Variants in CES5A observed in about 807,000 individuals in gnomAD.
CES5A encodes carboxylesterase 5A, also known as carboxylesterase 5.
A neutral mutation model predicts 62.9 loss-of-function variants in CES5A; 67 were observed. The observed-to-expected ratio is 1.07, with a 90% CI of 0.88 to 1.31. CES5A has a LOEUF of 1.31. Among genes scored for constraint, CES5A ranks in the 50% most tolerant of loss-of-function variants. The probability of loss-of-function intolerance (pLI) is 0.00; values close to 1 mark genes in which losing one functional copy is unlikely to be tolerated. For synonymous variants in CES5A, 296 were observed against 280.8 expected (o/e 1.05, Z -0.54); for missense variants, 748 against 708.5 (o/e 1.06, Z -0.63).
chr16:55,948,747 T>A (rs1341756180), intron 2 of CES5A, among the ~76,000 whole-genome samples: 1 of 152,152 alleles, frequency 6.6e-6, no homozygotes, highest in African/African-American at 2.4e-5. Context: ...GGCTGGGACC[T>A]AGGGGTTGGC....
chr16:55,918,984 T>A (rs2034174373), intron 1 of CES5A, among the ~76,000 whole-genome samples: 1 of 152,170 alleles, frequency 6.6e-6, no homozygotes, highest in Admixed American at 6.5e-5. Flanking sequence ...GAGCAGAGGA[T>A]CTATGGGTCT....
chr16:55,911,172 A>G lies in CES5A; in HGVS notation c.-256+14151T>C, dbSNP rs77665005. On this transcript the variant is annotated intron_variant, in intron 1 of 12. Transcript: ENST00000518005. Reference sequence around the variant, plus strand: ...CCCTTCCATCTTGTTGCTCTGCCCCAGCCCCCACATGTCCTCCTTCTCTGC... The same window carrying G: ...CCCTTCCATCTTGTTGCTCTGCCCCGGCCCCCACATGTCCTCCTTCTCTGC... Among the ~76,000 whole-genome samples, 4 of 152,270 alleles carry G rather than the reference A, an allele frequency of 2.6e-5. No homozygotes were observed. The East Asian group carries it at 7.7e-4, about 29-fold the overall frequency.
At chr16:55,945,476 C>A (rs2142482995) in intron 2 of CES5A, among the ~76,000 whole-genome samples, 1 of 152,334 alleles carries the variant, frequency 6.6e-6, no homozygotes, top group Middle Eastern at 3.4e-3. Context: ...CGGCCAGTCC[C>A]AGCAGCACAG....
chr16:55,884,711 C>T (rs1206935744), intron 1 of CES5A, among the ~76,000 whole-genome samples: 2 of 152,242 alleles, frequency 1.3e-5, no homozygotes, highest in Admixed American at 6.5e-5. Context: ...CCTTCCTCAG[C>T]CTCCCAAGTA....
intron 1 of CES5A, 144 bp from the exon 2 acceptor site, chr16:55,874,181 ATC>A: frequency 1.4e-6 from 1 of 702,022 alleles, no homozygotes; most frequent in Non-Finnish European, 2.3e-6. Flanking sequence ...CTCTCCATGA[ATC>A]CAGTTCCATG....
chr16:55,848,362 T>A (rs2033059077), intron 11 of CES5A, among the ~76,000 whole-genome samples: 1 of 152,076 alleles, frequency 6.6e-6, no homozygotes, highest in Non-Finnish European at 1.5e-5. Context: ...CAAGCAATCC[T>A]CCCGCCTCAG....
intron 1 of CES5A, among the ~76,000 whole-genome samples, chr16:55,904,692 T>G (rs1436815689): frequency 1.3e-5 from 2 of 152,228 alleles, no homozygotes; most frequent in Non-Finnish European, 1.5e-5. Context: ...TCAGAAAAAT[T>G]CAGTGATTTA....
chr16:55,857,506 G>A (rs1309763647), intron 8 of CES5A, among the ~76,000 whole-genome samples: 1 of 152,152 alleles, frequency 6.6e-6, no homozygotes, highest in East Asian at 1.9e-4. Context: ...TACTAGGGCA[G>A]TACCTGCCTC....
In CES5A at chr16:55,866,658, T is replaced by TAAAAAAAAA. The variant is rs369679801; in HGVS notation, c.552-551_552-543dup. The stretch of plus-strand genomic sequence containing the variant: ...TAATATAGTGAAACTCTGTCTCTGC[T>TAAAAAAAAA]AAAAAAAAAAAAAAAAAAAATACAA... On this transcript the variant is annotated intron_variant, in intron 4 of 12. Coordinates refer to ENST00000290567, the MANE Select transcript of CES5A (RefSeq NM_001143685.2). Among the ~76,000 whole-genome samples the TAAAAAAAAA allele has an allele frequency of 8.1e-4, 67 of 82,790 alleles. 2 individuals are homozygous for TAAAAAAAAA. The highest frequency in any genetic ancestry group is 1.2e-3 in the Non-Finnish European group (49 of 39,728). 54.3% of individuals were successfully genotyped at this position (82,790 alleles called of 152,430 possible). A position where few individuals can be genotyped will look rare whatever the true frequency, so the allele number is the denominator to read the frequency against.
At chr16:55,948,985 G>T (rs1328124355) in intron 2 of CES5A, among the ~76,000 whole-genome samples, 2 of 152,120 alleles carry the variant, frequency 1.3e-5, no homozygotes, top group Non-Finnish European at 2.9e-5. Flanking sequence ...GTAAGGGGCC[G>T]TTGCCTCCCC....
chr16:55,930,816 A>G (rs553857728), intron 2 of CES5A, among the ~76,000 whole-genome samples: 1 of 152,312 alleles, frequency 6.6e-6, no homozygotes, highest in South Asian at 2.1e-4. Flanking sequence ...TCCAATGCCT[A>G]TCAAAATACT....
chr16:55,873,962 C>T lies in CES5A; in HGVS notation c.149G>A (p.Ser50Asn), dbSNP rs151202427. 4 of 1,613,282 alleles carry T rather than the reference C, an allele frequency of 2.5e-6. No individual in the cohort carries two copies. Among genetic ancestry groups the T allele is most frequent in the Non-Finnish European group, 3.4e-6 (4 of 1,179,826 alleles). Reference sequence around the variant, plus strand: ...GAGGAACACGTTCACAGGCACAGGGCTTCCCAGCACAGTGACTTGCTTGCC... The same window carrying T: ...GAGGAACACGTTCACAGGCACAGGGTTTCCCAGCACAGTGACTTGCTTGCC... Reference protein sequence around the residue: ...IQGKQVTVLGSPVPVNVFLGV... With the variant: ...IQGKQVTVLGNPVPVNVFLGV... The change falls in exon 2 of 13, where the codon AGC (serine) becomes AAC (asparagine). Residue 50 changes from serine to asparagine, a missense_variant. Transcript: ENST00000290567.
intron 2 of CES5A, among the ~76,000 whole-genome samples, chr16:55,940,402 C>T (rs567952598): frequency 1.1e-4 from 17 of 152,006 alleles, no homozygotes; most frequent in Admixed American, 3.9e-4. Context: ...ATACTACAAA[C>T]ATAATACATA....
chr16:55,943,955 A>G, intron 2 of CES5A: 1 of 690,476 alleles, frequency 1.4e-6, no homozygotes, highest in Admixed American at 2.1e-5. Context: ...TTCTTCTGAA[A>G]CCTCCCATAT....
chr16:55,905,277 G>A (rs991564738), intron 1 of CES5A, among the ~76,000 whole-genome samples: 4 of 152,044 alleles, frequency 2.6e-5, no homozygotes, highest in Non-Finnish European at 4.4e-5. Context: ...CCACAGTGAG[G>A]GGAGTTTCAT....
intron 2 of CES5A, among the ~76,000 whole-genome samples, chr16:55,940,365 C>A (rs1297209724): frequency 6.6e-6 from 1 of 151,830 alleles, no homozygotes; most frequent in Non-Finnish European, 1.5e-5. Context: ...CACTACAGGT[C>A]CTGTGGCCAT....
intron 9 of CES5A, among the ~76,000 whole-genome samples, chr16:55,855,252 T>C (rs2033217184): frequency 6.6e-6 from 1 of 152,082 alleles, no homozygotes; most frequent in Admixed American, 6.5e-5. Flanking sequence ...CATGGACAAG[T>C]GAACAAAATG....
chr16:55,948,861 A>G (rs2034525197), intron 2 of CES5A, among the ~76,000 whole-genome samples: 1 of 152,226 alleles, frequency 6.6e-6, no homozygotes, highest in Non-Finnish European at 1.5e-5. Context: ...GTTTGAGGTC[A>G]GAAATGACTC....
At chr16:55,875,721 A>G (rs2033683751), upstream of CES5A, among the ~76,000 whole-genome samples, 1 of 152,208 alleles carries the variant, frequency 6.6e-6, no homozygotes, top group African/African-American at 2.4e-5. Flanking sequence ...TGGCCCTGCC[A>G]ACAAGAGTCT....
Sources: allele counts gnomAD v4.1 joint callset (sites outside exome capture counted in the v4.1 genomes callset), GRCh38; gene constraint gnomAD v4.1.1; transcripts MANE v1.5; gene names NCBI Gene and HGNC (gene_info 2026-07-23, HGNC 2026-07-21).